Variants in ADGB observed in about 807,000 individuals in gnomAD.
ADGB encodes the protein calpain-7-like protein.
Under a neutral mutation model 210.5 loss-of-function variants are expected in ADGB, and 172 were observed. The ratio of observed to expected loss-of-function variants is 0.82; its 90% CI spans 0.72 to 0.93. ADGB has a LOEUF of 0.93. Among genes scored for constraint, ADGB ranks in the 40% least tolerant of loss-of-function variants. ADGB has a pLI of 0.00. For missense variants in ADGB, 2,025 were observed against 1,964.8 expected (o/e 1.03, Z -0.58); for synonymous variants, 658 against 662.7 (o/e 0.99, Z 0.11).
At chr6:146,645,567 A>G (rs1775597652) in intron 3 of ADGB, among the ~76,000 whole-genome samples, 1 of 152,058 alleles carries the variant, frequency 6.6e-6, no homozygotes, top group South Asian at 2.1e-4. Context: ...CCAGTGGGCT[A>G]AATTATTTAG....
chr6:146,708,504 T>C (rs1471145997), intron 13 of ADGB, among the ~76,000 whole-genome samples: 1 of 152,112 alleles, frequency 6.6e-6, no homozygotes, highest in African/African-American at 2.4e-5. Flanking sequence ...ACTTTCTTAG[T>C]ATTATTTTTA....
chr6:146,672,124 A>G, intron 7 of ADGB, 96 bp from the exon 8 acceptor site: 1 of 1,372,506 alleles, frequency 7.3e-7, no homozygotes, highest in Non-Finnish European at 9.7e-7. Flanking sequence ...TTATTCATTA[A>G]ATAGCAAGTT....
intron 13 of ADGB, among the ~76,000 whole-genome samples, chr6:146,706,845 G>GTTTTTTTTTTTTTTTTT (rs34520729): frequency 5.0e-5 from 5 of 100,704 alleles, no homozygotes; most frequent in African/African-American, 1.7e-4. Flanking sequence ...TCAGCTTAGT[G>GTTTTTTTTTTTTTTTTT]TTTTTTTTTT....
At chr6:146,769,997 T>C (rs949781636) in intron 29 of ADGB, among the ~76,000 whole-genome samples, 20 of 152,316 alleles carry the variant, frequency 1.3e-4, no homozygotes, top group Admixed American at 9.8e-4. Flanking sequence ...AAATTTTATC[T>C]ATTATTTATA....
At chr6:146,680,000 A>G (rs1004759572) in intron 9 of ADGB, among the ~76,000 whole-genome samples, 12 of 152,158 alleles carry the variant, frequency 7.9e-5, no homozygotes, top group Non-Finnish European at 1.6e-4. Flanking sequence ...AATTGTTTCA[A>G]AAAAGCAAAA....
intron 3 of ADGB, among the ~76,000 whole-genome samples, chr6:146,649,262 C>G (rs903165304): frequency 6.7e-6 from 1 of 150,066 alleles, no homozygotes; most frequent in Non-Finnish European, 1.5e-5. Flanking sequence ...GCTGATAACT[C>G]AGAAGATTTA....
At position 146,649,333 on chromosome 6, in the gene ADGB, C is replaced by A. The variant is rs117069562; in HGVS notation, c.330+4468C>A. Among the ~76,000 whole-genome samples, 713 of 151,918 alleles carry A rather than the reference C, an allele frequency of 4.7e-3. 11 individuals are homozygous for A. The East Asian group carries it at 0.058, about 12-fold the overall frequency. ...TTATTTGTTTTAAAAAAAAGTCACA[C>A]AAAGATTATTTTGTTTTTGGCTGGG... On this transcript the variant is annotated intron_variant, in intron 3 of 35. Coordinates refer to ENST00000397944, the MANE Select transcript of ADGB (RefSeq NM_024694.4).
intron 35 of ADGB, among the ~76,000 whole-genome samples, chr6:146,808,213 T>G (rs918716874): frequency 6.6e-6 from 1 of 152,198 alleles, no homozygotes. Context: ...TTGGCCAGGC[T>G]GGTCGCGAAC....
chr6:146,763,020 T>C (rs1275608501), intron 27 of ADGB, among the ~76,000 whole-genome samples: 1 of 152,186 alleles, frequency 6.6e-6, no homozygotes, highest in Middle Eastern at 3.2e-3. Context: ...CCTTCTGGTA[T>C]CCTACCTCAA....
chr6:146,778,501 GT>G (rs2114640346), intron 29 of ADGB, among the ~76,000 whole-genome samples: 1 of 152,196 alleles, frequency 6.6e-6, no homozygotes, highest in South Asian at 2.1e-4. Context: ...AAAAATCTTT[GT>G]TTTTATTTCT....
At chr6:146,733,097 T>TA (rs773536434) in intron 20 of ADGB, 23 bp from the exon 21 acceptor site, 75 of 1,425,452 alleles carry the variant, frequency 5.3e-5, no homozygotes, top group South Asian at 1.0e-4. Context: ...TTTCTTGCTA[T>TA]AAAAAAAATT....
intron 30 of ADGB, among the ~76,000 whole-genome samples, chr6:146,783,478 A>G (rs1448007670): frequency 6.6e-6 from 1 of 152,174 alleles, no homozygotes; most frequent in Non-Finnish European, 1.5e-5. Flanking sequence ...CCTGATCAAA[A>G]TTTGATCCCA....
intron 30 of ADGB, among the ~76,000 whole-genome samples, chr6:146,782,836 G>A (rs765639343): frequency 2.6e-5 from 4 of 152,100 alleles, no homozygotes; most frequent in Admixed American, 2.0e-4. Flanking sequence ...CAAACTTGAG[G>A]AGTACAAGCA....
At chr6:146,740,348 A>G (rs1777146775) in intron 23 of ADGB, 111 bp from the exon 24 acceptor site, 6 of 994,110 alleles carry the variant, frequency 6.0e-6, no homozygotes, top group South Asian at 5.4e-5. Context: ...CAATCTAGCC[A>G]ACAATGACTT....
intron 1 of ADGB, among the ~76,000 whole-genome samples, chr6:146,604,244 A>C (rs1019018140): frequency 7.9e-5 from 12 of 152,194 alleles, no homozygotes; most frequent in African/African-American, 2.9e-4. Flanking sequence ...CATGAGATGC[A>C]TTGTTACAGG....
chr6:146,764,023 G>T lies in ADGB; in HGVS notation c.3673G>T (p.Asp1225Tyr). ...GGGTAGAGCTGTAAGTGCAATACAAGACATTGGTCTACCCCTTGTGGAGGA... is the reference window on the plus strand; with the variant it reads ...GGGTAGAGCTGTAAGTGCAATACAATACATTGGTCTACCCCTTGTGGAGGA... Reference protein sequence around the residue: ...PKGRAVSAIQDIGLPLVEEET... With the variant: ...PKGRAVSAIQYIGLPLVEEET... The change falls in exon 28 of 36, where the codon GAC (aspartate) becomes TAC (tyrosine). Residue 1225 changes from aspartate to tyrosine, a missense_variant. Coordinates refer to ENST00000397944, the MANE Select transcript of ADGB (RefSeq NM_024694.4). The T allele has an allele frequency of 6.4e-7, 1 of 1,551,454 alleles. No homozygotes were observed. The highest frequency in any genetic ancestry group is 8.7e-7 in the Non-Finnish European group (1 of 1,146,844).
At chr6:146,771,761 A>G (rs1777656526) in intron 29 of ADGB, among the ~76,000 whole-genome samples, 1 of 152,240 alleles carries the variant, frequency 6.6e-6, no homozygotes, top group African/African-American at 2.4e-5. Context: ...TCACAATTAT[A>G]GAAATCAAAG....
chr6:146,686,866 GA>G (rs1776239993), intron 10 of ADGB, among the ~76,000 whole-genome samples: 1 of 152,078 alleles, frequency 6.6e-6, no homozygotes, highest in Admixed American at 6.6e-5. Context: ...TAGTTAGCTA[GA>G]AAGAGCTATG....
At chr6:146,630,881 G>T (rs1781055237) in intron 1 of ADGB, among the ~76,000 whole-genome samples, 1 of 152,126 alleles carries the variant, frequency 6.6e-6, no homozygotes, top group Non-Finnish European at 1.5e-5. Flanking sequence ...TTATCTATGG[G>T]TTCCTGGATG....
Sources: gnomAD v4.1 joint callset for allele counts (sites outside exome capture counted in the v4.1 genomes callset) on GRCh38, gnomAD v4.1.1 for gene constraint, MANE v1.5 for transcripts, NCBI Gene and HGNC (gene_info 2026-07-23, HGNC 2026-07-21) for gene names.